JAG1: variants seen among roughly 807,000 people sequenced by gnomAD.
JAG1 encodes protein jagged-1.
Under a neutral mutation model 148.7 loss-of-function variants are expected in JAG1, and 23 were observed. The ratio of observed to expected loss-of-function variants is 0.15; its 90% CI spans 0.11 to 0.22. JAG1 has a LOEUF of 0.22. Among genes scored for constraint, JAG1 ranks in the 10% least tolerant of loss-of-function variants. The probability of loss-of-function intolerance (pLI) is 1.00; values close to 1 mark genes in which losing one functional copy is unlikely to be tolerated. For synonymous variants in JAG1, 572 were observed against 598.3 expected, an observed-to-expected ratio of 0.96 and a Z score of 0.64; for missense variants, 1,054 against 1,611.2, an observed-to-expected ratio of 0.65 and a Z score of 5.92.
At chr20:10,661,006 A>G (rs2067413334) in intron 3 of JAG1, among the ~76,000 whole-genome samples, 1 of 152,228 alleles carries the variant, frequency 6.6e-6, no homozygotes, top group South Asian at 2.1e-4. Flanking sequence ...AGCTACAGGG[A>G]AAACCTGGTC....
Position 10,673,344 on chromosome 20 carries a change from C to T in JAG1, c.81+106G>A. On this transcript the variant is annotated intron_variant, in intron 1 of 25. Transcript: ENST00000254958. This position sits in a 1 kb window ranked among gnomAD's most constrained non-coding sequence, Gnocchi z 4.7. ...CCGCTCGGGCGCAGGGGCGAGGAGTCGGGCGCTCGAGGGCTGCCGAGCCTG... is the reference window on the plus strand; with the variant it reads ...CCGCTCGGGCGCAGGGGCGAGGAGTTGGGCGCTCGAGGGCTGCCGAGCCTG... The T allele has an allele frequency of 1.2e-6, 1 of 863,590 alleles. No individual in the cohort carries two copies. The highest frequency in any genetic ancestry group is 1.7e-6 in the Non-Finnish European group (1 of 573,306). The allele number at this position is 863,590 out of a possible 1,614,324, so 53.5% of individuals were successfully genotyped here.
chr20:10,647,153 G>T lies in JAG1; in HGVS notation c.1721-50C>A, dbSNP rs1468259774. Reference sequence around the variant, plus strand: ...TCACAGCCATGCACCCACAGATGCGGCATTCCTAAGCCAAGGGCCTGGGCC... The same window carrying T: ...TCACAGCCATGCACCCACAGATGCGTCATTCCTAAGCCAAGGGCCTGGGCC... On this transcript the variant is annotated intron_variant, in intron 13 of 25. Transcript: ENST00000254958. 5 of 1,608,210 alleles carry T rather than the reference G, an allele frequency of 3.1e-6. No individual in the cohort carries two copies. The South Asian group carries it at 5.5e-5, about 18-fold the overall frequency.
In JAG1 at chr20:10,673,422, G is replaced by A; in HGVS notation, c.81+28C>T. The A allele has an allele frequency of 7.0e-7, 1 of 1,428,054 alleles. No individual in the cohort carries two copies. The highest frequency in any genetic ancestry group is 9.2e-7 in the Non-Finnish European group (1 of 1,081,858). 88.5% of individuals were successfully genotyped at this position (1,428,054 alleles called of 1,614,324 possible). ...CGCGAGGGGAGGGAGAGGACGGCTG[G>A]GAGGGAGGCCCGGAGAAGGGCTCCT... On this transcript the variant is annotated intron_variant, in intron 1 of 25. Coordinates refer to ENST00000254958, the MANE Select transcript of JAG1 (RefSeq NM_000214.3). This position sits in a 1 kb window ranked among gnomAD's most constrained non-coding sequence, Gnocchi z 4.7.
chr20:10,638,319 T>C lies in JAG1; in HGVS notation c.*1179A>G, dbSNP rs958185097. On this transcript the variant is annotated 3_prime_UTR_variant, in exon 26 of 26. Coordinates refer to ENST00000254958, the MANE Select transcript of JAG1 (RefSeq NM_000214.3). ...AAAAAAAAATCAAATCTACAAGTGG[T>C]TCAGTATTATGTACGAATGGTGAAA... 1 of 152,558 alleles carries C rather than the reference T, an allele frequency of 6.6e-6. No individual in the cohort carries two copies. The highest frequency in any genetic ancestry group is 1.5e-5 in the Non-Finnish European group (1 of 68,032). 9.5% of individuals were successfully genotyped at this position (152,558 alleles called of 1,614,324 possible). A position where few individuals can be genotyped will look rare whatever the true frequency, so the allele number is the denominator to read the frequency against.
chr20:10,652,302 C>T (rs766344333), intron 6 of JAG1, 52 bp from the exon 7 acceptor site: 17 of 1,610,698 alleles, frequency 1.1e-5, no homozygotes, highest in Non-Finnish European at 1.2e-5. Context: ...GATGGCGAAC[C>T]CACCATGTTT....
At chr20:10,671,743 C>T (rs2067496221) in intron 2 of JAG1, among the ~76,000 whole-genome samples, 1 of 152,206 alleles carries the variant, frequency 6.6e-6, no homozygotes, top group Non-Finnish European at 1.5e-5. Flanking sequence ...TCCTCCCCTT[C>T]TGCAATCGCA....
chr20:10,651,752 A>C (rs1600185580), intron 7 of JAG1, 58 bp from the exon 8 acceptor site: 2 of 1,077,004 alleles, frequency 1.9e-6, no homozygotes. Flanking sequence ...ACCTCCCCAC[A>C]CCCCCCTCCA....
At chr20:10,645,000 C>G (rs371931381) in intron 17 of JAG1, 21 bp from the exon 18 acceptor site, 41 of 1,584,986 alleles carry the variant, frequency 2.6e-5, no homozygotes, top group African/African-American at 4.0e-5. Flanking sequence ...AGAGCAGACA[C>G]GACCACCCTC....
rs563910717 is a variant in JAG1 at position 10,662,468 on chromosome 20, A to G, written c.439+1495T>C. 4 of 152,346 alleles carry G rather than the reference A, an allele frequency of 2.6e-5. No homozygotes were observed. The East Asian group carries it at 7.7e-4, about 29-fold the overall frequency. The allele number at this position is 152,346 out of a possible 1,614,324, so 9.4% of individuals were successfully genotyped here. On this transcript the variant is annotated intron_variant, in intron 3 of 25. Coordinates refer to ENST00000254958, the MANE Select transcript of JAG1 (RefSeq NM_000214.3). ...TGGCTCTTATCACAGGCCAGGATCA[A>G]CCTCAAGCTGTTCACTCTACCGGGT...
intron 5 of JAG1, among the ~76,000 whole-genome samples, chr20:10,654,811 A>G (rs888691481): frequency 1.3e-5 from 2 of 152,204 alleles, no homozygotes; most frequent in African/African-American, 4.8e-5. Context: ...TTCTGGAAAC[A>G]AAGCCTGTTG....
chr20:10,650,163 C>T (rs1380119218), intron 9 of JAG1, 84 bp downstream of exon 9: 14 of 819,276 alleles, frequency 1.7e-5, no homozygotes, highest in Non-Finnish European at 2.1e-5. Flanking sequence ...CTCACACTGC[C>T]GGCCACACGC....
At position 10,641,876 on chromosome 20, in the gene JAG1, G is replaced by A. The variant is rs763502541; in HGVS notation, c.2589C>T (p.Cys863=). 19 of 1,611,028 alleles carry A rather than the reference G, an allele frequency of 1.2e-5. No individual in the cohort carries two copies. Among genetic ancestry groups the A allele is most frequent in the Non-Finnish European group, 1.5e-5 (18 of 1,177,228 alleles). Residue 863 remains cysteine, a synonymous_variant, in exon 22 of 26, where the codon TGC becomes TGT. Coordinates refer to ENST00000254958, the MANE Select transcript of JAG1 (RefSeq NM_000214.3). ...AKCQEVSGRP[C]ITMGSVIPDG... is the part of the protein sequence containing the mutation. Reference sequence around the variant, plus strand: ...CTGGTATCACACTCCCCATGGTGATGCAAGGTCTCCCTGAAACTGACAGGT... The same window carrying A: ...CTGGTATCACACTCCCCATGGTGATACAAGGTCTCCCTGAAACTGACAGGT...
At chr20:10,672,551 G>A in intron 2 of JAG1, 150 bp downstream of exon 2, 1 of 791,384 alleles carries the variant, frequency 1.3e-6, no homozygotes, top group East Asian at 2.7e-5. Context: ...ATAGTGTCCC[G>A]GCTCCCTCAC....
chr20:10,670,399 G>T (rs2067487661), intron 2 of JAG1, among the ~76,000 whole-genome samples: 1 of 152,154 alleles, frequency 6.6e-6, no homozygotes, highest in Non-Finnish European at 1.5e-5. Flanking sequence ...TCCTTTTCTT[G>T]CTATCTCTTG....
intron 3 of JAG1, among the ~76,000 whole-genome samples, chr20:10,660,854 TC>T (rs1204389496): frequency 6.6e-6 from 1 of 152,004 alleles, no homozygotes; most frequent in Non-Finnish European, 1.5e-5. Flanking sequence ...CTCCCTGCAA[TC>T]CCCAGTGCCA....
At chr20:10,661,279 GGCTCT>G (rs1272579119) in intron 3 of JAG1, among the ~76,000 whole-genome samples, 1 of 152,100 alleles carries the variant, frequency 6.6e-6, no homozygotes, top group East Asian at 1.9e-4. Context: ...TAAAACTCAG[GGCTCT>G]GCCTTTGATT....
At chr20:10,649,745 T>A in intron 9 of JAG1, 110 bp from the exon 10 acceptor site, 1 of 719,824 alleles carries the variant, frequency 1.4e-6, no homozygotes, top group Non-Finnish European at 2.5e-6. Context: ...GACATTTTAA[T>A]AAGCTAGCTA....
intron 2 of JAG1, among the ~76,000 whole-genome samples, chr20:10,664,413 A>ACACACACACAC (rs1568803615): frequency 9.2e-6 from 1 of 108,882 alleles, no homozygotes. Context: ...CACACACACA[A>ACACACACACAC]AGAATTTATT....
chr20:10,646,841 ACT>A, intron 14 of JAG1, 96 bp downstream of exon 14: 1 of 1,248,498 alleles, frequency 8.0e-7, no homozygotes, highest in Non-Finnish European at 1.2e-6. Context: ...AAAAAAAAAA[ACT>A]TTCAACACCA....
Sources: allele counts gnomAD v4.1 joint callset (sites outside exome capture counted in the v4.1 genomes callset), GRCh38; gene constraint gnomAD v4.1.1; non-coding constraint Gnocchi (gnomAD v3.1); transcripts MANE v1.5; gene names NCBI Gene and HGNC (gene_info 2026-07-23, HGNC 2026-07-21).